VPS54: variants seen among roughly 807,000 people sequenced by gnomAD.
The protein encoded by VPS54 is vacuolar protein sorting-associated protein 54.
In VPS54, 45 loss-of-function variants were observed where a neutral mutation model predicts 121.5. The ratio of observed to expected loss-of-function variants is 0.37; its 90% CI spans 0.29 to 0.47. The LOEUF (loss-of-function observed/expected upper bound fraction) is 0.47. Ranked by LOEUF, VPS54 falls within the 20% of genes least tolerant of loss-of-function variation. The probability of loss-of-function intolerance (pLI) is 0.99; values close to 1 mark genes in which losing one functional copy is unlikely to be tolerated. For synonymous variants in VPS54, 371 were observed against 385.8 expected, an observed-to-expected ratio of 0.96 and a Z score of 0.45; for missense variants, 1,090 against 1,131.4, an observed-to-expected ratio of 0.96 and a Z score of 0.52.
At chr2:63,933,384 T>C (rs1189543644) in intron 12 of VPS54, among the ~76,000 whole-genome samples, 1 of 152,168 alleles carries the variant, frequency 6.6e-6, no homozygotes, top group Non-Finnish European at 1.5e-5. Context: ...AAGCAAGTCA[T>C]CTAAGCTCTC....
At chr2:63,970,818 G>A (rs1490351514) in intron 4 of VPS54, among the ~76,000 whole-genome samples, 14 of 152,052 alleles carry the variant, frequency 9.2e-5, no homozygotes, top group Admixed American at 2.0e-4. Context: ...ATCACCAGTC[G>A]TTTTCTTCTC....
intron 17 of VPS54, 152 bp downstream of exon 17, chr2:63,914,030 T>C (rs1673268272): frequency 2.9e-6 from 3 of 1,033,810 alleles, no homozygotes; most frequent in East Asian, 5.4e-5. Flanking sequence ...CTGTTTCCAA[T>C]AACATGTTGT....
At chr2:63,904,098 G>A (rs1183242280) in intron 20 of VPS54, among the ~76,000 whole-genome samples, 1 of 152,046 alleles carries the variant, frequency 6.6e-6, no homozygotes, top group Admixed American at 6.6e-5. Flanking sequence ...GGTTACATTT[G>A]TATTAGATAA....
rs138723855 is a variant in VPS54, at chr2:63,997,142, G to A, written c.-20-13123C>T. Among the ~76,000 whole-genome samples the A allele has an allele frequency of 3.3e-3, 498 of 152,248 alleles. 2 individuals are homozygous for A. The highest frequency in any genetic ancestry group is 4.9e-3 in the Non-Finnish European group (334 of 68,004). On this transcript the variant is annotated intron_variant, in intron 1 of 22. Transcript: ENST00000272322. ...TGAAATACAGGGGGCTGGTTCCCCC[G>A]TTAGACATAGGCCTGCAGTTTCGTT...
intron 4 of VPS54, among the ~76,000 whole-genome samples, chr2:63,969,747 C>G (rs116302300): frequency 0.012 from 1,878 of 152,252 alleles, 17 homozygotes; most frequent in Non-Finnish European, 0.015. Flanking sequence ...AAACCAGTCC[C>G]TGGTGCCAAA....
chr2:63,916,727 T>C lies in VPS54; in HGVS notation c.2228+173A>G, dbSNP rs933522749. Among the ~76,000 whole-genome samples the C allele has an allele frequency of 3.3e-5, 5 of 152,118 alleles. No homozygotes were observed. In the East Asian group the frequency reaches 9.6e-4, roughly 29 times the overall value. ...AATGTATGCTACAGAAGAGAGAAGA[T>C]AAAGAAATCCATAAAGTTTCCTTTA... On this transcript the variant is annotated intron_variant, in intron 16 of 22. Coordinates refer to ENST00000272322, the MANE Select transcript of VPS54 (RefSeq NM_016516.3).
chr2:63,953,700 T>G (rs540135759), intron 7 of VPS54, among the ~76,000 whole-genome samples: 1 of 151,970 alleles, frequency 6.6e-6, no homozygotes, highest in Non-Finnish European at 1.5e-5. Flanking sequence ...GACAGACAGA[T>G]AGATGGATGG....
At chr2:63,994,255 G>C (rs1174776795) in intron 1 of VPS54, among the ~76,000 whole-genome samples, 1 of 152,098 alleles carries the variant, frequency 6.6e-6, no homozygotes, top group Admixed American at 6.5e-5. Flanking sequence ...ACATCCCTCT[G>C]TTCTTCTCTT....
intron 12 of VPS54, among the ~76,000 whole-genome samples, chr2:63,930,549 C>G (rs1432232704): frequency 2.0e-5 from 3 of 152,146 alleles, no homozygotes; most frequent in African/African-American, 7.2e-5. Context: ...AAACCCACAG[C>G]CAATATAATA....
Position 63,953,667 on chromosome 2 carries a change from G to A in VPS54, c.1011-4504C>T, listed in dbSNP as rs999234633. Among the ~76,000 whole-genome samples, 15 of 152,164 alleles carry A rather than the reference G, an allele frequency of 9.9e-5. No homozygotes were observed. The South Asian group carries it at 1.0e-3, about 11-fold the overall frequency. Reference sequence around the variant, plus strand: ...AGGTGGAGAACAGTATGTACAGTGCGCTAACACTTATCTAAGATGAGAGAC... The same window carrying A: ...AGGTGGAGAACAGTATGTACAGTGCACTAACACTTATCTAAGATGAGAGAC... On this transcript the variant is annotated intron_variant, in intron 7 of 22. Transcript: ENST00000272322.
chr2:63,937,146 T>C (rs1020644924), intron 11 of VPS54, among the ~76,000 whole-genome samples: 2 of 152,026 alleles, frequency 1.3e-5, no homozygotes, highest in South Asian at 2.1e-4. Flanking sequence ...AATAGACAAA[T>C]TGGACTACAT....
At chr2:63,984,080 T>A in intron 1 of VPS54, 61 bp from the exon 2 acceptor site, 1 of 1,354,746 alleles carries the variant, frequency 7.4e-7, no homozygotes, top group Non-Finnish European at 9.6e-7. Flanking sequence ...GTATTATACA[T>A]GTCACAAATT....
intron 4 of VPS54, among the ~76,000 whole-genome samples, chr2:63,970,695 A>G (rs1000004378): frequency 7.9e-5 from 12 of 152,160 alleles, no homozygotes; most frequent in Non-Finnish European, 1.8e-4. Flanking sequence ...TTAACTTTTA[A>G]GGTGCAATTC....
intron 10 of VPS54, among the ~76,000 whole-genome samples, chr2:63,943,753 C>T (rs781403415): frequency 4.0e-5 from 5 of 125,968 alleles, no homozygotes; most frequent in Admixed American, 8.9e-5. Flanking sequence ...GAGACAGGCT[C>T]TTACTTCCTT....
At chr2:63,953,021 T>C (rs531056080) in intron 7 of VPS54, among the ~76,000 whole-genome samples, 14 of 151,944 alleles carry the variant, frequency 9.2e-5, no homozygotes, top group East Asian at 1.9e-4. Flanking sequence ...TTTAAAAGAA[T>C]TGATAAATAC....
chr2:63,974,860 G>A (rs548579024), intron 3 of VPS54: 11 of 1,060,588 alleles, frequency 1.0e-5, no homozygotes, highest in African/African-American at 4.8e-5. Flanking sequence ...CCACATAGAC[G>A]ATCATTTCAT....
chr2:63,906,989 G>T (rs1230423494), intron 20 of VPS54, among the ~76,000 whole-genome samples: 2 of 152,112 alleles, frequency 1.3e-5, no homozygotes, highest in African/African-American at 4.8e-5. Context: ...TGTGGTACTG[G>T]AACAGAATAT....
At chr2:63,896,385 GTA>G (rs763522460) in intron 22 of VPS54, among the ~76,000 whole-genome samples, 5 of 152,140 alleles carry the variant, frequency 3.3e-5, no homozygotes, top group Non-Finnish European at 5.9e-5. Flanking sequence ...GTGGCAGAGA[GTA>G]TGTGGCAAAA....
intron 7 of VPS54, among the ~76,000 whole-genome samples, chr2:63,950,046 C>T (rs1174165206): frequency 6.6e-6 from 1 of 152,150 alleles, no homozygotes; most frequent in Non-Finnish European, 1.5e-5. Context: ...CTGTTAATTC[C>T]TCTGTTGTGG....
Sources: allele counts gnomAD v4.1 joint callset (sites outside exome capture counted in the v4.1 genomes callset), GRCh38; gene constraint gnomAD v4.1.1; transcripts MANE v1.5; gene names NCBI Gene and HGNC (gene_info 2026-07-23, HGNC 2026-07-21).